ITPR1: variants seen among roughly 807,000 people sequenced by gnomAD.
ITPR1 encodes the protein inositol 1,4,5-trisphosphate receptor type 1.
ITPR1 carries 96 observed loss-of-function variants against 318.4 expected under a neutral mutation model. That is an observed-to-expected ratio of 0.30 (90% CI 0.26 to 0.36). The LOEUF (loss-of-function observed/expected upper bound fraction) is 0.36, where lower values mean the gene tolerates loss of function less well. Among genes scored for constraint, ITPR1 ranks in the 10% least tolerant of loss-of-function variants. The probability of loss-of-function intolerance (pLI) is 1.00; values close to 1 mark genes in which losing one functional copy is unlikely to be tolerated. For synonymous variants in ITPR1, 1,312 were observed against 1,289.9 expected (o/e 1.02, Z -0.37); for missense variants, 2,440 against 3,460.2 (o/e 0.71, Z 7.40).
chr3:4,684,949 T>C, intron 29 of ITPR1, 120 bp from the exon 30 acceptor site: 1 of 947,096 alleles, frequency 1.1e-6, no homozygotes, highest in Non-Finnish European at 1.6e-6. Flanking sequence ...TGAAGGAATT[T>C]TGTTTTACGT....
intron 2 of ITPR1, among the ~76,000 whole-genome samples, chr3:4,514,112 C>G (rs1363736034): frequency 6.6e-6 from 1 of 151,760 alleles, no homozygotes; most frequent in Non-Finnish European, 1.5e-5. Context: ...TCTGATAGAC[C>G]TGGGTTGTAA....
chr3:4,727,122 G>T lies in ITPR1; in HGVS notation c.5173-4G>T. On this transcript the variant is annotated splice_region_variant and splice_polypyrimidine_tract_variant and intron_variant, in intron 41 of 61. Transcript: ENST00000649015. ...TTAAAATGGAATTTCTGCATGCCTA[G>T]CAGGAGCTTGAACCAAGTCCACCCC... The T allele has an allele frequency of 6.3e-7, 1 of 1,597,960 alleles. No individual in the cohort carries two copies. Among genetic ancestry groups the T allele is most frequent in the Non-Finnish European group, 8.5e-7 (1 of 1,178,712 alleles).
chr3:4,741,467 A>G (rs1166740991), intron 44 of ITPR1, among the ~76,000 whole-genome samples: 2 of 152,176 alleles, frequency 1.3e-5, no homozygotes, highest in African/African-American at 4.8e-5. Flanking sequence ...AAATGTGAGA[A>G]GTGCTCCGTC....
chr3:4,520,771 C>T (rs931169020), intron 3 of ITPR1, among the ~76,000 whole-genome samples: 1 of 152,150 alleles, frequency 6.6e-6, no homozygotes, highest in African/African-American at 2.4e-5. Context: ...CTCAGATCTA[C>T]CATGGACATG....
intron 4 of ITPR1, among the ~76,000 whole-genome samples, chr3:4,535,441 A>ATTTT (rs2083770460): frequency 1.2e-5 from 1 of 80,796 alleles, no homozygotes; most frequent in Non-Finnish European, 2.9e-5. Context: ...TTTTTTTTTT[A>ATTTT]ATTTTTTTTT....
rs1387021932 is a variant in ITPR1 at position 4,829,967 on chromosome 3, TTTTTTTTTTTTTG to T, written c.8029-6805_8029-6793del. Among the ~76,000 whole-genome samples the T allele has an allele frequency of 1.3e-4, 13 of 103,826 alleles. 1 individual carries two copies. Among genetic ancestry groups the T allele is most frequent in the African/African-American group, 3.4e-4 (11 of 32,388 alleles). 68.1% of individuals were successfully genotyped at this position (103,826 alleles called of 152,430 possible). On this transcript the variant is annotated intron_variant, in intron 60 of 61. Transcript: ENST00000649015. ...ACATGTATAACAGTTTTTTTTTTTT[TTTTTTTTTTTTTG>T]TGTGTGTGTGTGAAACGGAGTCCTG...
intron 55 of ITPR1, among the ~76,000 whole-genome samples, chr3:4,809,221 C>T (rs1311251578): frequency 6.6e-6 from 1 of 152,128 alleles, no homozygotes. Flanking sequence ...TCTCTTATAC[C>T]ATTTGACTCA....
At chr3:4,818,399 C>T (rs576463491) in intron 60 of ITPR1, among the ~76,000 whole-genome samples, 157 bp downstream of exon 60, 6 of 152,240 alleles carry the variant, frequency 3.9e-5, no homozygotes, top group South Asian at 2.1e-4. Context: ...CTGTGAACTT[C>T]GTGTGTTCTC....
rs773794942 is a variant in ITPR1, at chr3:4,675,092, A to G, written c.2623A>G (p.Ile875Val). The G allele has an allele frequency of 2.0e-5, 32 of 1,583,218 alleles. No individual in the cohort carries two copies. The highest frequency in any genetic ancestry group is 8.9e-5 in the South Asian group (8 of 90,066). The change falls in exon 23 of 62, where the codon ATA becomes GTA. Residue 875 changes from isoleucine to valine, a missense_variant. Physicochemically the swap from Ile to Val is conservative, Grantham distance 29 (BLOSUM62 3). This residue lies in a region of ITPR1 where 478 missense variants were observed against 696.3 expected (regional missense o/e 0.69). Transcript: ENST00000649015. ...FEVVNLARNL[I>V]YFGFYNFSDL... ...GGTTGTAAATTTAGCTAGGAATCTC[A>G]TATACTTTGGTTTCTACAACTTCTC...
At chr3:4,707,246 T>C (rs1049079071) in intron 37 of ITPR1, among the ~76,000 whole-genome samples, 4 of 152,240 alleles carry the variant, frequency 2.6e-5, no homozygotes, top group African/African-American at 9.6e-5. Flanking sequence ...TCTTTTGCTC[T>C]TCTGGAGGTT....
Position 4,783,892 on chromosome 3 carries a change from TTTA to T in ITPR1, c.6589_6591del (p.Tyr2197del). On this transcript the variant is annotated inframe_deletion, in exon 51 of 62. Coordinates refer to ENST00000649015, the MANE Select transcript of ITPR1 (RefSeq NM_001378452.1). ...GTGGACGGAGATGAAGCCCTGGAGT[TTTA>T]TGCCAAGCACACGGCGCAGATAGAG... The T allele has an allele frequency of 6.2e-7, 1 of 1,609,266 alleles. No individual in the cohort carries two copies. Among genetic ancestry groups the T allele is most frequent in the Non-Finnish European group, 8.5e-7 (1 of 1,177,916 alleles).
At chr3:4,626,130 A>C (rs1000908583) in intron 4 of ITPR1, among the ~76,000 whole-genome samples, 58 of 152,212 alleles carry the variant, frequency 3.8e-4, no homozygotes, top group African/African-American at 1.3e-3. Context: ...CCTGGGCAAC[A>C]TAGCAAGTCC....
chr3:4,687,301 A>G (rs948145915), intron 30 of ITPR1, among the ~76,000 whole-genome samples: 1 of 152,234 alleles, frequency 6.6e-6, no homozygotes, highest in Admixed American at 6.5e-5. Context: ...CCAAAAGCTA[A>G]CATTTACAGA....
chr3:4,846,155 A>C lies in ITPR1; in HGVS notation c.8207A>C (p.Lys2736Thr). ...ACTTTCCAGATGACAGAACAAAGGA[A>C]GCAGAAACAAAGAATTGGTCTTCTA... ...ELKDQMTEQR[K>T]QKQRIGLLGH... is the part of the protein sequence containing the mutation. Residue 2736 changes from lysine (K) to threonine (T), a missense_variant, in exon 62 of 62, where the codon AAG becomes ACG. By Grantham distance (78) the Lys-to-Thr change is moderately conservative (BLOSUM62 -1). Transcript: ENST00000649015. The C allele has an allele frequency of 6.4e-7, 1 of 1,563,450 alleles. No individual in the cohort carries two copies. The highest frequency in any genetic ancestry group is 1.4e-5 in the African/African-American group (1 of 73,782).
intron 50 of ITPR1, 136 bp downstream of exon 50, chr3:4,782,877 ACAGG>A: frequency 6.2e-6 from 5 of 803,786 alleles, no homozygotes; most frequent in Non-Finnish European, 8.7e-6. Flanking sequence ...CCTGCGGCTC[ACAGG>A]TGCTCGTGGC....
intron 6 of ITPR1, among the ~76,000 whole-genome samples, chr3:4,640,216 A>G (rs2093305492): frequency 1.3e-5 from 2 of 152,344 alleles, no homozygotes; most frequent in Admixed American, 6.5e-5. Context: ...TTTGCCTGCT[A>G]TGTAAACCTT....
chr3:4,541,155 AT>A (rs1298792858), intron 4 of ITPR1, among the ~76,000 whole-genome samples: 5 of 152,154 alleles, frequency 3.3e-5, no homozygotes, highest in African/African-American at 1.2e-4. Flanking sequence ...CATATTAGAT[AT>A]GATTTTGTTT....
intron 57 of ITPR1, among the ~76,000 whole-genome samples, chr3:4,813,948 G>A (rs2049107227): frequency 6.6e-6 from 1 of 152,210 alleles, no homozygotes. Context: ...ATAAACCAGT[G>A]AGAATGAACA....
At chr3:4,792,723 G>A (rs2047652764) in intron 52 of ITPR1, among the ~76,000 whole-genome samples, 1 of 152,180 alleles carries the variant, frequency 6.6e-6, no homozygotes, top group South Asian at 2.1e-4. Context: ...GAGGGGAGGA[G>A]AAGGAAGCCA....
Sources: allele counts gnomAD v4.1 joint callset (sites outside exome capture counted in the v4.1 genomes callset), GRCh38; gene constraint gnomAD v4.1.1; regional missense constraint gnomAD v4.1.1; transcripts MANE v1.5; gene names NCBI Gene and HGNC (gene_info 2026-07-23, HGNC 2026-07-21).